Variants in FOXN3 observed in about 807,000 individuals in gnomAD.
The protein encoded by FOXN3 is forkhead box N3.
In FOXN3, 7 loss-of-function variants were observed where a neutral mutation model predicts 38.4. The observed-to-expected ratio is 0.18, with a 90% CI of 0.10 to 0.34. FOXN3 has a LOEUF of 0.34. Among genes scored for constraint, FOXN3 ranks in the 10% least tolerant of loss-of-function variants. The pLI, the probability that FOXN3 is intolerant of heterozygous loss-of-function variation, is 1.00. For synonymous variants in FOXN3, 230 were observed against 242.2 expected (o/e 0.95, Z 0.47); for missense variants, 456 against 613.4 (o/e 0.74, Z 2.71).
intron 4 of FOXN3, among the ~76,000 whole-genome samples, chr14:89,200,399 T>C (rs1332466951): frequency 6.6e-6 from 1 of 152,160 alleles, no homozygotes; most frequent in Non-Finnish European, 1.5e-5. Flanking sequence ...GGAAGGTAAG[T>C]ACAGAGCTCA....
Position 89,197,013 on chromosome 14 carries a change from C to T in FOXN3, c.746-16207G>A, listed in dbSNP as rs546082336. Among the ~76,000 whole-genome samples, 34 of 152,252 alleles carry T rather than the reference C, an allele frequency of 2.2e-4. 1 individual carries two copies. The highest frequency in any genetic ancestry group is 7.9e-4 in the African/African-American group (33 of 41,556). On this transcript the variant is annotated intron_variant, in intron 4 of 5. Coordinates refer to ENST00000557258, the MANE Select transcript of FOXN3 (RefSeq NM_005197.4). ...TATAGAGAAAGCCTAAGAATCATAA[C>T]CATTACTTTCTTAGAAATCATGTGA...
chr14:89,492,627 G>T (rs969949823), intron 1 of FOXN3, among the ~76,000 whole-genome samples: 1 of 152,146 alleles, frequency 6.6e-6, no homozygotes, highest in African/African-American at 2.4e-5. Context: ...CAGAAGGATC[G>T]CTAGAGCCCA....
chr14:89,368,518 G>A (rs1324218620), intron 2 of FOXN3, among the ~76,000 whole-genome samples: 2 of 152,078 alleles, frequency 1.3e-5, no homozygotes, highest in African/African-American at 2.4e-5. Flanking sequence ...GGTGGTACAC[G>A]CCTGTAGTCC....
intron 4 of FOXN3, among the ~76,000 whole-genome samples, chr14:89,233,966 C>T (rs1046994235): frequency 2.6e-5 from 4 of 152,224 alleles, no homozygotes; most frequent in Non-Finnish European, 5.9e-5. Flanking sequence ...TGCCTGTTCA[C>T]TCCATCCTCC....
chr14:89,482,450 G>C (rs1461777275), intron 1 of FOXN3, among the ~76,000 whole-genome samples: 1 of 152,038 alleles, frequency 6.6e-6, no homozygotes, highest in African/African-American at 2.4e-5. Context: ...GCAAGACCCT[G>C]ACTCTACATA....
chr14:89,160,011 A>T lies in FOXN3; in HGVS notation c.*2403T>A, dbSNP rs1887060536. ...CAGTTAGTTCCCACTGTCCGGGCTG[A>T]TGGAGCTCTGACATTACCTCGTCCT... On this transcript the variant is annotated 3_prime_UTR_variant, in exon 6 of 6. Transcript: ENST00000557258. 1 of 152,130 alleles carries T rather than the reference A, an allele frequency of 6.6e-6. No homozygotes were observed. Among genetic ancestry groups the T allele is most frequent in the South Asian group, 2.1e-4 (1 of 4,832 alleles). 9.4% of individuals were successfully genotyped at this position (152,130 alleles called of 1,614,324 possible).
At chr14:89,191,326 G>A (rs748507739) in intron 4 of FOXN3, among the ~76,000 whole-genome samples, 4 of 152,198 alleles carry the variant, frequency 2.6e-5, no homozygotes, top group Non-Finnish European at 4.4e-5. Context: ...CTGCCCCAGC[G>A]CAGCGTCCCA....
intron 1 of FOXN3, among the ~76,000 whole-genome samples, chr14:89,487,792 C>G (rs1004648203): frequency 2.0e-5 from 3 of 151,978 alleles, no homozygotes; most frequent in Non-Finnish European, 4.4e-5. Flanking sequence ...TTTCTTATAA[C>G]GGCTGGAGAG....
intron 1 of FOXN3, among the ~76,000 whole-genome samples, chr14:89,561,061 G>A (rs1373897033): frequency 1.3e-5 from 2 of 152,362 alleles, no homozygotes; most frequent in African/African-American, 4.8e-5. Flanking sequence ...TCTACCTGGA[G>A]CAGAAGACGG....
chr14:89,338,566 G>C (rs1426235763), intron 3 of FOXN3, among the ~76,000 whole-genome samples: 3 of 152,174 alleles, frequency 2.0e-5, no homozygotes, highest in African/African-American at 7.2e-5. Context: ...GGCCGAAGTG[G>C]GTAGATCATC....
At chr14:89,511,139 T>TC (rs1894050364) in intron 1 of FOXN3, among the ~76,000 whole-genome samples, 2 of 25,284 alleles carry the variant, frequency 7.9e-5, no homozygotes, top group African/African-American at 1.3e-4. Flanking sequence ...TTTCTTTCTT[T>TC]CTTTTCTTTC....
chr14:89,219,418 G>A (rs115593472), intron 4 of FOXN3, among the ~76,000 whole-genome samples: 1,726 of 152,280 alleles, frequency 0.011, 33 homozygotes, highest in African/African-American at 0.039. Context: ...TTATAGCAGT[G>A]TGAAAACGGA....
rs2139772654 is a variant in FOXN3 at position 89,161,582 on chromosome 14, TGTGTGTGTGTGTGTGCGTGC to T, written c.*812_*831del. Reference sequence around the variant, plus strand: ...GTGTGTGTGTGTGTGTGTGTGTGTGTGTGTGTGTGTGTGTGCGTGCGTGCACAGGGCCAATCTTCAGGCTT... The same window carrying T: ...GTGTGTGTGTGTGTGTGTGTGTGTGTGTGCACAGGGCCAATCTTCAGGCTT... On this transcript the variant is annotated 3_prime_UTR_variant, in exon 6 of 6. Transcript: ENST00000557258. The T allele has an allele frequency of 6.8e-6, 1 of 147,964 alleles. No homozygotes were observed. Among genetic ancestry groups the T allele is most frequent in the African/African-American group, 2.5e-5 (1 of 40,594 alleles). 9.2% of individuals were successfully genotyped at this position (147,964 alleles called of 1,614,324 possible). A position where few individuals can be genotyped will look rare whatever the true frequency, so the allele number is the denominator to read the frequency against.
intron 4 of FOXN3, among the ~76,000 whole-genome samples, chr14:89,239,930 T>C (rs1378759269): frequency 3.3e-5 from 5 of 152,142 alleles, no homozygotes; most frequent in African/African-American, 1.2e-4. Context: ...TGCACCCAAG[T>C]TTATGTCTGG....
At chr14:89,282,683 A>G (rs564446043) in intron 3 of FOXN3, among the ~76,000 whole-genome samples, 21 of 152,206 alleles carry the variant, frequency 1.4e-4, no homozygotes, top group Non-Finnish European at 3.1e-4. Context: ...ACTTCATTAT[A>G]GCAGAGTTGG....
In FOXN3 at chr14:89,485,634, G is replaced by A. The variant is rs182320375; in HGVS notation, c.-14-73144C>T. 5.1e-4 allele frequency among the ~76,000 whole-genome samples: 77 copies of A among 152,286 alleles called. 1 individual carries two copies. The highest frequency in any genetic ancestry group is 3.4e-3 in the Middle Eastern group (1 of 294). On this transcript the variant is annotated intron_variant, in intron 1 of 6. Transcript: ENST00000345097. Reference sequence around the variant, plus strand: ...AGCAAAGCAGTGGCCAAGCCAGGGTGGGGGCAACAGAAACCACTGTCCCAG... The same window carrying A: ...AGCAAAGCAGTGGCCAAGCCAGGGTAGGGGCAACAGAAACCACTGTCCCAG...
rs369276475 is a variant in FOXN3, at chr14:89,471,858, C to T, written c.-14-59368G>A. 2.0e-5 allele frequency among the ~76,000 whole-genome samples: 3 copies of T among 152,188 alleles called. No homozygotes were observed. In the East Asian group the frequency reaches 5.8e-4, roughly 29 times the overall value. ...GTCATTTGCACCTTTCCCTCGGCCA[C>T]GGAGATGAGGAATGACCCATCAGCT... On this transcript the variant is annotated intron_variant, in intron 1 of 6. Transcript: ENST00000345097.
chr14:89,261,996 C>T (rs1442264596), intron 4 of FOXN3, among the ~76,000 whole-genome samples: 1 of 151,746 alleles, frequency 6.6e-6, no homozygotes, highest in African/African-American at 2.4e-5. Flanking sequence ...CCCAGCTACT[C>T]GGAAGGCTGA....
intron 1 of FOXN3, among the ~76,000 whole-genome samples, chr14:89,435,914 G>A (rs1165774522): frequency 6.6e-6 from 1 of 152,142 alleles, no homozygotes; most frequent in African/African-American, 2.4e-5. Flanking sequence ...TGCCTTGGCT[G>A]TTCAGAAGAT....
Sources: allele counts gnomAD v4.1 joint callset (sites outside exome capture counted in the v4.1 genomes callset), GRCh38; gene constraint gnomAD v4.1.1; transcripts MANE v1.5; gene names NCBI Gene and HGNC (gene_info 2026-07-23, HGNC 2026-07-21).